RHOA: variants seen among roughly 807,000 people sequenced by gnomAD.
RHOA encodes ras homolog family member A.
A neutral mutation model predicts 17.5 loss-of-function variants in RHOA; 3 were observed. The ratio of observed to expected loss-of-function variants is 0.17; its 90% confidence interval spans 0.08 to 0.44. The LOEUF is 0.44. Among genes scored for constraint, RHOA ranks in the 20% least tolerant of loss-of-function variants. RHOA has a pLI of 0.99. For missense variants in RHOA, 56 were observed against 242.3 expected, an observed-to-expected ratio of 0.23 and a Z score of 5.10; for synonymous variants, 98 against 88.4, an observed-to-expected ratio of 1.11 and a Z score of -0.61.
chr3:49,389,554 AAG>A, intron 1 of RHOA, among the ~76,000 whole-genome samples: 1 of 152,290 alleles, frequency 6.6e-6, no homozygotes, highest in South Asian at 2.1e-4. Flanking sequence ...TCTGCTGAAA[AAG>A]AGTCATGACA....
chr3:49,386,543 A>G (rs6797765), intron 1 of RHOA, among the ~76,000 whole-genome samples: 64,999 of 152,006 alleles, frequency 0.43, 15,347 homozygotes, highest in East Asian at 0.93. Context: ...AAGTAAATTA[A>G]GCAATCCGTT....
chr3:49,389,502 G>A (rs1405134931), intron 1 of RHOA, among the ~76,000 whole-genome samples: 1 of 152,108 alleles, frequency 6.6e-6, no homozygotes, highest in Non-Finnish European at 1.5e-5. Flanking sequence ...GTTCTGAGCG[G>A]CAGGTCTATT....
chr3:49,391,359 T>TC (rs1490146943), intron 1 of RHOA, among the ~76,000 whole-genome samples: 1 of 148,748 alleles, frequency 6.7e-6, no homozygotes, highest in African/African-American at 2.5e-5. Context: ...ACCACTGCAC[T>TC]CCAACTTGAG....
intron 1 of RHOA, among the ~76,000 whole-genome samples, chr3:49,378,339 G>A (rs1432814559): frequency 1.5e-5 from 2 of 131,340 alleles, no homozygotes; most frequent in African/African-American, 2.9e-5. Context: ...CTCCACCTCC[G>A]AGGCTCAAGT....
chr3:49,397,733 G>T (rs942505544), intron 1 of RHOA, among the ~76,000 whole-genome samples: 2 of 152,070 alleles, frequency 1.3e-5, no homozygotes, highest in Non-Finnish European at 2.9e-5. Context: ...CGAGATTAGA[G>T]GGGAACGAGA....
intron 1 of RHOA, among the ~76,000 whole-genome samples, chr3:49,389,037 A>C (rs114087214): frequency 0.012 from 1,751 of 152,252 alleles, 33 homozygotes; most frequent in African/African-American, 0.041. Context: ...AGAATAGGTA[A>C]ATCTACAGAG....
chr3:49,382,159 A>C (rs748148737), intron 1 of RHOA, among the ~76,000 whole-genome samples: 12 of 151,558 alleles, frequency 7.9e-5, no homozygotes, highest in Non-Finnish European at 1.6e-4. Flanking sequence ...CTCTACTAAA[A>C]ATACAAAAAA....
At chr3:49,410,791 A>G (rs943403668) in intron 1 of RHOA, among the ~76,000 whole-genome samples, 3 of 152,222 alleles carry the variant, frequency 2.0e-5, no homozygotes, top group Non-Finnish European at 4.4e-5. Flanking sequence ...GCAGAGTGAA[A>G]TATCTACTTA....
rs527634779 is a variant in RHOA at position 49,390,615 on chromosome 3, C to G, written c.-2-15024G>C. On this transcript the variant is annotated intron_variant, in intron 1 of 4. Coordinates refer to ENST00000418115, the MANE Select transcript of RHOA (RefSeq NM_001664.4). ...ACTTGGGATGCTAGCCAGTTTGAAC[C>G]AGTCAACATGTAAAAGGAAAATACA... 1.2e-4 allele frequency among the ~76,000 whole-genome samples: 19 copies of G among 152,194 alleles called. No individual in the cohort carries two copies. In the South Asian group the frequency reaches 3.9e-3, roughly 32 times the overall value.
At chr3:49,385,199 G>A (rs1203253230) in intron 1 of RHOA, among the ~76,000 whole-genome samples, 7 of 151,194 alleles carry the variant, frequency 4.6e-5, no homozygotes, top group East Asian at 1.9e-4. Flanking sequence ...GAGCCACTGC[G>A]CCTGGTCCAT....
At chr3:49,368,302 C>T in intron 3 of RHOA, 126 bp downstream of exon 3, 1 of 1,216,106 alleles carries the variant, frequency 8.2e-7, no homozygotes, top group East Asian at 2.4e-5. Flanking sequence ...AACTCCAGGA[C>T]TCCGGCCACT....
intron 1 of RHOA, among the ~76,000 whole-genome samples, chr3:49,390,684 C>A (rs1291042317): frequency 6.6e-6 from 1 of 152,014 alleles, no homozygotes; most frequent in African/African-American, 2.4e-5. Flanking sequence ...GCTTAATCCT[C>A]TGTCTAATAT....
rs71080506 is a variant in RHOA at position 49,398,839 on chromosome 3, C to CAAAAAAA, written c.-3+12974_-3+12980dup. Among the ~76,000 whole-genome samples, 23 of 35,666 alleles carry CAAAAAAA rather than the reference C, an allele frequency of 6.4e-4. 1 individual carries two copies. The highest frequency in any genetic ancestry group is 2.2e-3 in the African/African-American group (15 of 6,946). The allele number at this position is 35,666 out of a possible 152,430, so 23.4% of individuals were successfully genotyped here. A position where few individuals can be genotyped will look rare whatever the true frequency, so the allele number is the denominator to read the frequency against. On this transcript the variant is annotated intron_variant, in intron 1 of 4. Transcript: ENST00000418115. ...TGAGCGACACAGCGAGACTCCGTCT[C>CAAAAAAA]AAAAAAAAAAAAAAAAAAAAAAAAA...
chr3:49,368,856 C>T (rs565379172), intron 2 of RHOA, among the ~76,000 whole-genome samples: 2 of 151,182 alleles, frequency 1.3e-5, no homozygotes, highest in South Asian at 2.1e-4. Flanking sequence ...TACAGGTGCC[C>T]GCCATCACAC....
At chr3:49,408,213 T>G (rs1330066286) in intron 1 of RHOA, among the ~76,000 whole-genome samples, 1 of 151,586 alleles carries the variant, frequency 6.6e-6, no homozygotes, top group Admixed American at 6.6e-5. Context: ...CACACACGTA[T>G]ATGTACACAT....
At chr3:49,366,586 G>C (rs942336307) in intron 3 of RHOA, 3 of 152,280 alleles carry the variant, frequency 2.0e-5, no homozygotes, top group African/African-American at 7.2e-5. Context: ...CTGGGCAACA[G>C]AGCGAGACCC....
At chr3:49,400,226 AC>A (rs777052967) in intron 1 of RHOA, among the ~76,000 whole-genome samples, 186 of 12,594 alleles carry the variant, frequency 0.015, no homozygotes, top group Non-Finnish European at 0.058. Flanking sequence ...AAAAAAAAAA[AC>A]AAAAAAAACG....
chr3:49,408,994 C>T (rs567666154), intron 1 of RHOA, among the ~76,000 whole-genome samples: 18 of 150,666 alleles, frequency 1.2e-4, no homozygotes, highest in African/African-American at 4.1e-4. Context: ...CGGGGTTTCA[C>T]CGTGTTAGCC....
Position 49,386,691 on chromosome 3 carries a change from T to C in RHOA, c.-2-11100A>G, listed in dbSNP as rs184207969. Among the ~76,000 whole-genome samples the C allele has an allele frequency of 2.0e-5, 3 of 152,320 alleles. No individual in the cohort carries two copies. In the East Asian group the frequency reaches 5.8e-4, roughly 29 times the overall value. ...CCTTGGTGACACTGAAAGACTCGAT[T>C]AATTAATATGCAACTTAGGGCGATT... On this transcript the variant is annotated intron_variant, in intron 1 of 4. Coordinates refer to ENST00000418115, the MANE Select transcript of RHOA (RefSeq NM_001664.4).
Sources: gnomAD v4.1 joint callset for allele counts (sites outside exome capture counted in the v4.1 genomes callset) on GRCh38, gnomAD v4.1.1 for gene constraint, MANE v1.5 for transcripts, NCBI Gene and HGNC (gene_info 2026-07-23, HGNC 2026-07-21) for gene names.